SCFD2: variants seen among roughly 807,000 people sequenced by gnomAD.
SCFD2 encodes sec1 family domain-containing protein 2.
SCFD2 carries 54 observed loss-of-function variants against 58.9 expected under a neutral mutation model. That is an observed-to-expected ratio of 0.92 (90% CI 0.74 to 1.15). The LOEUF is 1.15. Ranked by LOEUF, SCFD2 falls within the 50% of genes most tolerant of loss-of-function variation. SCFD2 has a pLI of 0.00. For missense variants in SCFD2, 805 were observed against 836.6 expected (o/e 0.96, Z 0.47); for synonymous variants, 321 against 335.9 (o/e 0.96, Z 0.49).
intron 5 of SCFD2, among the ~76,000 whole-genome samples, chr4:53,034,557 T>C (rs1722707792): frequency 6.6e-6 from 1 of 152,194 alleles, no homozygotes; most frequent in African/African-American, 2.4e-5. Flanking sequence ...GATGACATGA[T>C]TGTATATTTA....
intron 5 of SCFD2, among the ~76,000 whole-genome samples, chr4:52,928,188 A>G (rs1241855643): frequency 1.3e-5 from 2 of 152,130 alleles, no homozygotes; most frequent in African/African-American, 4.8e-5. Context: ...ATTTAAAAAA[A>G]TAGCCAGTGT....
chr4:53,012,836 G>T (rs2411287), intron 5 of SCFD2, among the ~76,000 whole-genome samples: 122,734 of 145,124 alleles, frequency 0.85, 52,792 homozygotes, highest in East Asian at 0.94. Context: ...GTGTGTGTGT[G>T]TTTTTTTTTA....
chr4:53,173,832 C>A (rs982527389), intron 4 of SCFD2, among the ~76,000 whole-genome samples: 1 of 152,150 alleles, frequency 6.6e-6, no homozygotes, highest in African/African-American at 2.4e-5. Flanking sequence ...ACTTTGATCA[C>A]ATACACCTCT....
intron 4 of SCFD2, among the ~76,000 whole-genome samples, chr4:53,189,731 G>A (rs980825375): frequency 2.6e-5 from 4 of 152,130 alleles, no homozygotes; most frequent in Admixed American, 2.6e-4. Flanking sequence ...TCAGTGCATA[G>A]CACTACCTAA....
rs1200479086 is a variant in SCFD2, at chr4:53,145,511, T to C, written c.1383A>G (p.Arg461=). Residue 461 remains arginine (R), a synonymous_variant, in exon 5 of 9, where the codon AGA becomes AGG. Coordinates refer to ENST00000401642, the MANE Select transcript of SCFD2 (RefSeq NM_152540.4). ...LLPMIKPVTQ[R]TNEDYSPEEL... ...CCTCAGGGCTGTAGTCCTCGTTGGT[T>C]CTCTGGGTTACAGGCTTAATCATGG... 2 of 1,614,132 alleles carry C rather than the reference T, an allele frequency of 1.2e-6. No individual in the cohort carries two copies. Among genetic ancestry groups the C allele is most frequent in the Non-Finnish European group, 8.5e-7 (1 of 1,179,988 alleles).
chr4:53,052,120 TA>T (rs530164800), intron 5 of SCFD2, among the ~76,000 whole-genome samples: 387 of 152,292 alleles, frequency 2.5e-3, no homozygotes, highest in African/African-American at 8.8e-3. Context: ...CTTTTACTAA[TA>T]AAATCTAAGT....
At chr4:52,879,341 G>A (rs1213284339) in intron 8 of SCFD2, among the ~76,000 whole-genome samples, 1 of 152,186 alleles carries the variant, frequency 6.6e-6, no homozygotes, top group African/African-American at 2.4e-5. Context: ...TATGAGAAAT[G>A]GGGTTTTTAA....
chr4:53,286,714 C>T (rs549388038), intron 3 of SCFD2, among the ~76,000 whole-genome samples: 4 of 152,294 alleles, frequency 2.6e-5, no homozygotes, highest in Admixed American at 2.0e-4. Context: ...CCCTGACTCC[C>T]TGGATGCAGA....
intron 4 of SCFD2, among the ~76,000 whole-genome samples, chr4:53,188,418 GGTGTGTGT>G (rs56120914): frequency 0.036 from 5,116 of 143,488 alleles, 100 homozygotes; most frequent in Middle Eastern, 0.064. Context: ...CTTCAAAACT[GGTGTGTGT>G]GTGTGTGTGT....
chr4:52,990,790 C>T (rs1560503566), intron 5 of SCFD2, among the ~76,000 whole-genome samples: 1 of 152,082 alleles, frequency 6.6e-6, no homozygotes, highest in East Asian at 1.9e-4. Context: ...AGTCATGAAA[C>T]ATTTAAAGGA....
intron 8 of SCFD2, among the ~76,000 whole-genome samples, chr4:52,878,170 A>C (rs575679429): frequency 6.6e-6 from 1 of 152,202 alleles, no homozygotes. Flanking sequence ...AACTTAACTG[A>C]GTCTTTTCAT....
At chr4:53,216,839 A>G (rs1728857104) in intron 4 of SCFD2, among the ~76,000 whole-genome samples, 1 of 152,098 alleles carries the variant, frequency 6.6e-6, no homozygotes, top group Admixed American at 6.6e-5. Flanking sequence ...AGATTCTGGT[A>G]TGTTGTGTCT....
chr4:53,219,880 C>T (rs1335743653), intron 4 of SCFD2, among the ~76,000 whole-genome samples: 1 of 152,300 alleles, frequency 6.6e-6, no homozygotes. Flanking sequence ...ACTACCACCA[C>T]CATGACTGCC....
At chr4:53,262,737 T>C (rs375986201) in intron 4 of SCFD2, among the ~76,000 whole-genome samples, 1 of 152,314 alleles carries the variant, frequency 6.6e-6, no homozygotes. Flanking sequence ...CCTAGGCAAT[T>C]ATCTTTTTGT....
At chr4:53,353,715 C>T (rs941562665) in intron 1 of SCFD2, among the ~76,000 whole-genome samples, 7 of 151,362 alleles carry the variant, frequency 4.6e-5, no homozygotes, top group Non-Finnish European at 1.0e-4. Flanking sequence ...CAAGTCCCCA[C>T]TAGATTAGCT....
chr4:53,198,617 G>A (rs1728129998), intron 4 of SCFD2, among the ~76,000 whole-genome samples: 1 of 151,730 alleles, frequency 6.6e-6, no homozygotes, highest in Non-Finnish European at 1.5e-5. Flanking sequence ...GTCCATTTTT[G>A]TTTAAGTTGT....
At chr4:53,168,202 G>C (rs761259616) in intron 4 of SCFD2, among the ~76,000 whole-genome samples, 1 of 152,148 alleles carries the variant, frequency 6.6e-6, no homozygotes, top group African/African-American at 2.4e-5. Context: ...ATTTGGACTT[G>C]GGTTGCCTTA....
intron 4 of SCFD2, among the ~76,000 whole-genome samples, chr4:53,245,343 A>T (rs6830879): frequency 0.11 from 17,148 of 152,200 alleles, 1,091 homozygotes; most frequent in East Asian, 0.22. Context: ...GTGAACATTG[A>T]TGCAAAAATC....
rs115365299 is a variant in SCFD2 at position 52,966,975 on chromosome 4, C to T, written c.1562-46105G>A. On this transcript the variant is annotated intron_variant, in intron 5 of 8. Transcript: ENST00000401642. ...TCCTTTTCTTTTGCAAGGCTGAATT[C>T]TTGACCCATTAAACTGTAACCACAC... Among the ~76,000 whole-genome samples, 846 of 152,312 alleles carry T rather than the reference C, an allele frequency of 5.6e-3. 9 individuals are homozygous for T. Among genetic ancestry groups the T allele is most frequent in the South Asian group, 0.046 (222 of 4,826 alleles).
Sources: allele counts gnomAD v4.1 joint callset (sites outside exome capture counted in the v4.1 genomes callset), GRCh38; gene constraint gnomAD v4.1.1; transcripts MANE v1.5; gene names NCBI Gene and HGNC (gene_info 2026-07-23, HGNC 2026-07-21).